The following BTBD8 variants were observed in gnomAD, a reference collection of about 807,000 sequenced individuals.
The protein encoded by BTBD8 is BTB/POZ domain-containing protein 8.
Under a neutral mutation model 162.9 loss-of-function variants are expected in BTBD8, and 110 were observed. The ratio of observed to expected loss-of-function variants is 0.68; its 90% CI spans 0.58 to 0.79. The LOEUF (loss-of-function observed/expected upper bound fraction) is 0.79, where lower values mean the gene tolerates loss of function less well. Ranked by LOEUF, BTBD8 falls within the 30% of genes least tolerant of loss-of-function variation. The pLI, the probability that BTBD8 is intolerant of heterozygous loss-of-function variation, is 0.00. For synonymous variants in BTBD8, 667 were observed against 716.1 expected, an observed-to-expected ratio of 0.93 and a Z score of 1.10; for missense variants, 1,905 against 2,085.4, an observed-to-expected ratio of 0.91 and a Z score of 1.68.
intron 9 of BTBD8, among the ~76,000 whole-genome samples, chr1:92,149,828 A>G (rs887848869): frequency 2.6e-5 from 4 of 152,186 alleles, no homozygotes; most frequent in Non-Finnish European, 5.9e-5. Flanking sequence ...AGGCACCAGC[A>G]TCTCCTGCAG....
Position 92,088,734 on chromosome 1 carries a change from C to T in BTBD8, c.186C>T (p.Phe62=). ...LREEFHTDVT[F]SVGCTLFKAH... is the part of the protein sequence containing the mutation. ...AAGAATTCCATACAGATGTTACCTTCTCTGTGGGTTGTACTTTGTTCAAAG... is the reference window on the plus strand; with the variant it reads ...AAGAATTCCATACAGATGTTACCTTTTCTGTGGGTTGTACTTTGTTCAAAG... Residue 62 remains phenylalanine (F), a synonymous_variant, in exon 2 of 18, where the codon TTC becomes TTT. Coordinates refer to ENST00000636805, the MANE Select transcript of BTBD8 (RefSeq NM_001376131.1). 1 of 1,611,554 alleles carries T rather than the reference C, an allele frequency of 6.2e-7. No individual in the cohort carries two copies. The highest frequency in any genetic ancestry group is 8.5e-7 in the Non-Finnish European group (1 of 1,178,616).
chr1:92,174,988 C>T (rs1650666581), intron 13 of BTBD8, among the ~76,000 whole-genome samples: 1 of 152,090 alleles, frequency 6.6e-6, no homozygotes, highest in Non-Finnish European at 1.5e-5. Flanking sequence ...AGACCTTAAA[C>T]TGCATATCAA....
intron 3 of BTBD8, among the ~76,000 whole-genome samples, chr1:92,104,711 A>G (rs1648679350): frequency 6.6e-6 from 1 of 152,092 alleles, no homozygotes; most frequent in African/African-American, 2.4e-5. Context: ...TTTTGCCTAC[A>G]TCTTATAAAC....
intron 3 of BTBD8, among the ~76,000 whole-genome samples, chr1:92,103,603 C>A (rs1358339508): frequency 6.6e-6 from 1 of 152,112 alleles, no homozygotes; most frequent in Non-Finnish European, 1.5e-5. Flanking sequence ...AAAAGGAACA[C>A]CAAAATTAGG....
chr1:92,084,174 C>T (rs1648094400), intron 1 of BTBD8, among the ~76,000 whole-genome samples: 1 of 152,132 alleles, frequency 6.6e-6, no homozygotes, highest in African/African-American at 2.4e-5. Flanking sequence ...ACCATTGATC[C>T]TCTCCTGGCT....
intron 9 of BTBD8, among the ~76,000 whole-genome samples, chr1:92,159,456 C>T (rs1188339178): frequency 1.3e-5 from 2 of 152,166 alleles, no homozygotes; most frequent in Non-Finnish European, 2.9e-5. Flanking sequence ...GGATTACAGG[C>T]ATGAGCCACC....
At chr1:92,149,195 A>G (rs1247587696) in intron 9 of BTBD8, among the ~76,000 whole-genome samples, 1 of 152,212 alleles carries the variant, frequency 6.6e-6, no homozygotes, top group African/African-American at 2.4e-5. Flanking sequence ...TTGTCTATAT[A>G]TTAATCAAAT....
intron 9 of BTBD8, among the ~76,000 whole-genome samples, chr1:92,164,405 G>T (rs777649028): frequency 6.6e-6 from 1 of 152,086 alleles, no homozygotes; most frequent in Admixed American, 6.5e-5. Flanking sequence ...ATCACTTGAA[G>T]CCAGGAGTTT....
At chr1:92,135,345 C>A (rs1649610961) in intron 5 of BTBD8, among the ~76,000 whole-genome samples, 1 of 152,196 alleles carries the variant, frequency 6.6e-6, no homozygotes, top group African/African-American at 2.4e-5. Flanking sequence ...GCCACCTCAC[C>A]CAGATAATTT....
intron 9 of BTBD8, among the ~76,000 whole-genome samples, chr1:92,152,618 G>A (rs564529010): frequency 6.6e-6 from 1 of 152,186 alleles, no homozygotes; most frequent in South Asian, 2.1e-4. Flanking sequence ...GCTAAAGATA[G>A]ATTGGGAGGG....
chr1:92,167,204 A>G, intron 10 of BTBD8, 64 bp downstream of exon 10: 3 of 1,516,662 alleles, frequency 2.0e-6, no homozygotes, highest in South Asian at 2.5e-5. Flanking sequence ...CAATTATGTA[A>G]GAGCTTTTAA....
intron 6 of BTBD8, among the ~76,000 whole-genome samples, chr1:92,140,260 G>A (rs201686784): frequency 4.7e-5 from 7 of 149,958 alleles, no homozygotes; most frequent in African/African-American, 1.2e-4. Flanking sequence ...GTTCTTGGGG[G>A]AAAAAAAAAC....
chr1:92,121,581 T>G (rs1233641880), intron 4 of BTBD8, among the ~76,000 whole-genome samples: 3 of 152,198 alleles, frequency 2.0e-5, no homozygotes, highest in African/African-American at 7.2e-5. Context: ...TATATTGAGT[T>G]AGAATGCATA....
At chr1:92,171,273 G>A (rs893144434) in intron 12 of BTBD8, 126 bp from the exon 13 acceptor site, 4 of 643,412 alleles carry the variant, frequency 6.2e-6, no homozygotes, top group Non-Finnish European at 1.0e-5. Flanking sequence ...TACTAGATTG[G>A]TTTCAGGTTT....
At chr1:92,087,678 C>T (rs556008535) in intron 1 of BTBD8, among the ~76,000 whole-genome samples, 1 of 152,212 alleles carries the variant, frequency 6.6e-6, no homozygotes, top group African/African-American at 2.4e-5. Context: ...GAGGTATGTA[C>T]TGAATGTGAT....
chr1:92,119,361 C>T (rs1161053127), intron 4 of BTBD8, among the ~76,000 whole-genome samples: 2 of 148,400 alleles, frequency 1.3e-5, no homozygotes, highest in African/African-American at 5.1e-5. Flanking sequence ...TCATGGGTCA[C>T]TGCAGCCTTG....
intron 10 of BTBD8, 99 bp downstream of exon 10, chr1:92,167,239 A>AC: frequency 1.4e-6 from 2 of 1,388,652 alleles, no homozygotes; most frequent in Non-Finnish European, 1.9e-6. Flanking sequence ...TGATTAAATT[A>AC]ATGTGATTTA....
intron 11 of BTBD8, among the ~76,000 whole-genome samples, chr1:92,168,424 G>A (rs562643392): frequency 1.3e-5 from 2 of 151,664 alleles, no homozygotes; most frequent in African/African-American, 4.8e-5. Flanking sequence ...TTAAAATTAG[G>A]CTGGGAAGCA....
chr1:92,115,187 G>T, intron 4 of BTBD8: 1 of 535,436 alleles, frequency 1.9e-6, no homozygotes, highest in Non-Finnish European at 3.7e-6. Context: ...ATAGATGCAG[G>T]GATGATGTTC....
Sources: gnomAD v4.1 joint callset for allele counts (sites outside exome capture counted in the v4.1 genomes callset) on GRCh38, gnomAD v4.1.1 for gene constraint, MANE v1.5 for transcripts, NCBI Gene and HGNC (gene_info 2026-07-23, HGNC 2026-07-21) for gene names.